Variants in NARS2 observed in about 807,000 individuals in gnomAD.
NARS2 encodes the protein asparaginyl-tRNA synthetase 2, mitochondrial.
In NARS2, 60 loss-of-function variants were observed where a neutral mutation model predicts 62.9. That is an observed-to-expected ratio of 0.95 (90% CI 0.77 to 1.18). The LOEUF is 1.18. Ranked by LOEUF, NARS2 falls within the 50% of genes most tolerant of loss-of-function variation. The pLI, the probability that NARS2 is intolerant of heterozygous loss-of-function variation, is 0.00. For synonymous variants in NARS2, 196 were observed against 200.0 expected, an observed-to-expected ratio of 0.98 and a Z score of 0.17; for missense variants, 619 against 576.4, an observed-to-expected ratio of 1.07 and a Z score of -0.76.
chr11:78,566,119 T>G lies in NARS2; in HGVS notation c.513+13A>C, dbSNP rs1374880279. ...CTGTTTAAAGGGTCAAGAGGGAACT[T>G]TTAGGATCTTACCTTAAAGAAAGAA... On this transcript the variant is annotated intron_variant, in intron 4 of 13. Coordinates refer to ENST00000281038, the MANE Select transcript of NARS2 (RefSeq NM_024678.6). 6.3e-7 allele frequency: 1 copy of G among 1,595,556 alleles called. No homozygotes were observed. Among genetic ancestry groups the G allele is most frequent in the African/African-American group, 1.4e-5 (1 of 73,820 alleles).
At chr11:78,436,852 G>A (rs1420670674) in intron 13 of NARS2, 38 bp from the exon 14 acceptor site, 13 of 1,571,792 alleles carry the variant, frequency 8.3e-6, no homozygotes, top group Admixed American at 7.2e-5. Context: ...TCTATATATA[G>A]TATAAGACCA....
intron 7 of NARS2, among the ~76,000 whole-genome samples, chr11:78,486,860 A>T (rs1859596499): frequency 6.6e-6 from 1 of 152,240 alleles, no homozygotes. Context: ...AGGTAAAGGG[A>T]AACATTCTTA....
At chr11:78,528,641 T>C (rs1861377833) in intron 6 of NARS2, among the ~76,000 whole-genome samples, 1 of 152,124 alleles carries the variant, frequency 6.6e-6, no homozygotes, top group South Asian at 2.1e-4. Flanking sequence ...AAGAAAAAAA[T>C]GACAACTTTG....
intron 6 of NARS2, among the ~76,000 whole-genome samples, chr11:78,504,983 T>A (rs1226762230): frequency 6.6e-6 from 1 of 151,754 alleles, no homozygotes; most frequent in African/African-American, 2.4e-5. Context: ...TTCAGTGAAG[T>A]AAAATACACG....
chr11:78,486,473 A>G (rs1272111004), intron 7 of NARS2, among the ~76,000 whole-genome samples: 1 of 152,208 alleles, frequency 6.6e-6, no homozygotes, highest in Non-Finnish European at 1.5e-5. Flanking sequence ...TCACTGTGCA[A>G]TTTCCAGACT....
intron 13 of NARS2, among the ~76,000 whole-genome samples, chr11:78,438,066 A>C (rs563470708): frequency 6.6e-6 from 1 of 152,176 alleles, no homozygotes; most frequent in East Asian, 1.9e-4. Context: ...TTCTATAATA[A>C]GACGTAAGCA....
At chr11:78,563,859 T>A (rs1357778456) in intron 4 of NARS2, among the ~76,000 whole-genome samples, 716 of 54,550 alleles carry the variant, frequency 0.013, 64 homozygotes, top group African/African-American at 0.038. Context: ...AAAATATATA[T>A]ATATATATAT....
intron 11 of NARS2, among the ~76,000 whole-genome samples, chr11:78,448,297 G>C (rs1857834069): frequency 6.6e-6 from 1 of 150,684 alleles, no homozygotes; most frequent in African/African-American, 2.4e-5. Flanking sequence ...TGATTCCATG[G>C]GACAAGGGTG....
chr11:78,481,191 A>G (rs1053925230), intron 7 of NARS2, among the ~76,000 whole-genome samples: 1 of 152,166 alleles, frequency 6.6e-6, no homozygotes, highest in Admixed American at 6.5e-5. Context: ...TATAGATTCT[A>G]AACTATTGGA....
chr11:78,555,221 G>GT, intron 5 of NARS2: 1 of 152,198 alleles, frequency 6.6e-6, no homozygotes, highest in East Asian at 1.9e-4. Flanking sequence ...CCAGGTTTTG[G>GT]TATCAAGATG....
intron 7 of NARS2, among the ~76,000 whole-genome samples, chr11:78,487,233 A>AT (rs2135300867): frequency 6.6e-6 from 1 of 151,822 alleles, no homozygotes; most frequent in East Asian, 1.9e-4. Flanking sequence ...GCAGGTGCCT[A>AT]TAATCCCAGC....
chr11:78,483,837 A>G (rs1859459629), intron 7 of NARS2, among the ~76,000 whole-genome samples: 1 of 152,220 alleles, frequency 6.6e-6, no homozygotes, highest in South Asian at 2.1e-4. Flanking sequence ...TATAGATTCA[A>G]TGCTATTCCC....
rs750557961 is a variant in NARS2 at position 78,547,778 on chromosome 11, T to G, written c.594+11761A>C. Among the ~76,000 whole-genome samples the G allele has an allele frequency of 3.3e-5, 5 of 152,204 alleles. No homozygotes were observed. In the South Asian group the frequency reaches 6.2e-4, roughly 19 times the overall value. ...CTTAAGGCTGAAAGTTCTACAAAAC[T>G]AAAATTGCCGTTAGAAAATAATAAT... On this transcript the variant is annotated intron_variant, in intron 5 of 13. Transcript: ENST00000281038.
intron 6 of NARS2, among the ~76,000 whole-genome samples, chr11:78,508,238 C>T (rs1246115726): frequency 1.3e-5 from 2 of 152,108 alleles, no homozygotes; most frequent in East Asian, 1.9e-4. Flanking sequence ...GATTAAGTGA[C>T]CTGTGGGATA....
intron 9 of NARS2, among the ~76,000 whole-genome samples, chr11:78,472,419 T>A (rs1221578115): frequency 6.6e-6 from 1 of 152,182 alleles, no homozygotes; most frequent in African/African-American, 2.4e-5. Flanking sequence ...ATAATTATTG[T>A]CATCCTTCGC....
chr11:78,563,851 A>AAAAAATAT (rs1404770578), intron 4 of NARS2, among the ~76,000 whole-genome samples: 3 of 34,020 alleles, frequency 8.8e-5, no homozygotes, highest in African/African-American at 2.8e-4. Flanking sequence ...AAAAAAAAAA[A>AAAAAATAT]ATATATATAT....
chr11:78,460,288 ATGGGGAT>A (rs1858345652), intron 11 of NARS2, among the ~76,000 whole-genome samples: 1 of 108,660 alleles, frequency 9.2e-6, no homozygotes, highest in African/African-American at 3.4e-5. Flanking sequence ...TTTTTTTTTA[ATGGGGAT>A]GGAGTCTCAT....
chr11:78,472,956 A>C (rs1858937117), intron 9 of NARS2, among the ~76,000 whole-genome samples: 1 of 152,162 alleles, frequency 6.6e-6, no homozygotes, highest in Non-Finnish European at 1.5e-5. Context: ...GCACCATCTC[A>C]TTATGCTTTC....
At chr11:78,560,242 A>G (rs1159676324) in intron 4 of NARS2, among the ~76,000 whole-genome samples, 3 of 152,236 alleles carry the variant, frequency 2.0e-5, no homozygotes, top group East Asian at 1.9e-4. Flanking sequence ...TGGACTCCAC[A>G]TGGCACAGGC....
Sources: allele counts gnomAD v4.1 joint callset (sites outside exome capture counted in the v4.1 genomes callset), GRCh38; gene constraint gnomAD v4.1.1; transcripts MANE v1.5; gene names NCBI Gene and HGNC (gene_info 2026-07-23, HGNC 2026-07-21).